The following DENND1B variants were observed in gnomAD, a reference collection of about 807,000 sequenced individuals.
The protein encoded by DENND1B is DENN domain containing 1B, also known as DENN domain-containing protein 1B.
In DENND1B, 59 loss-of-function variants were observed where a neutral mutation model predicts 90.1. That is an observed-to-expected ratio of 0.65 (90% CI 0.53 to 0.81). The LOEUF (loss-of-function observed/expected upper bound fraction) is 0.81, where lower values mean the gene tolerates loss of function less well. Ranked by LOEUF, DENND1B falls within the 40% of genes least tolerant of loss-of-function variation. The pLI, the probability that DENND1B is intolerant of heterozygous loss-of-function variation, is 0.00. For missense variants in DENND1B, 862 were observed against 912.6 expected (o/e 0.94, Z 0.71); for synonymous variants, 337 against 324.6 (o/e 1.04, Z -0.41).
chr1:197,702,407 T>G (rs1197182837), intron 3 of DENND1B, among the ~76,000 whole-genome samples: 1 of 152,168 alleles, frequency 6.6e-6, no homozygotes, highest in Non-Finnish European at 1.5e-5. Flanking sequence ...TATGACACGT[T>G]AAGGTTATAT....
At chr1:197,628,549 G>A (rs977929414) in intron 10 of DENND1B, among the ~76,000 whole-genome samples, 27 of 152,172 alleles carry the variant, frequency 1.8e-4, no homozygotes, top group Admixed American at 1.6e-3. Flanking sequence ...AGACTTAAAC[G>A]TTAGACCTAA....
chr1:197,680,677 T>C (rs1386064171), intron 3 of DENND1B, among the ~76,000 whole-genome samples: 1 of 152,168 alleles, frequency 6.6e-6, no homozygotes, highest in African/African-American at 2.4e-5. Context: ...TAAAATTATA[T>C]TCTTAGATTT....
At chr1:197,678,408 T>C (rs752193655) in intron 3 of DENND1B, among the ~76,000 whole-genome samples, 8 of 152,174 alleles carry the variant, frequency 5.3e-5, no homozygotes, top group South Asian at 2.1e-4. Context: ...ATGAGCTACT[T>C]GTCCATTTTA....
At chr1:197,547,785 G>C (rs559780671) in intron 16 of DENND1B, among the ~76,000 whole-genome samples, 4 of 151,312 alleles carry the variant, frequency 2.6e-5, no homozygotes, top group Non-Finnish European at 4.4e-5. Flanking sequence ...AACATTCCAA[G>C]TTATTCTACC....
chr1:197,746,023 C>T (rs949245360), intron 2 of DENND1B, among the ~76,000 whole-genome samples: 4 of 152,102 alleles, frequency 2.6e-5, no homozygotes, highest in Admixed American at 6.6e-5. Flanking sequence ...TTGGCATTTA[C>T]GACTAATCCA....
chr1:197,709,856 T>A (rs1203804708), intron 3 of DENND1B, among the ~76,000 whole-genome samples: 1 of 141,030 alleles, frequency 7.1e-6, no homozygotes, highest in African/African-American at 2.8e-5. Flanking sequence ...GAGACACACA[T>A]AGGCTCAAAA....
chr1:197,520,113 A>G (rs1270199678), intron 20 of DENND1B, among the ~76,000 whole-genome samples: 2 of 151,870 alleles, frequency 1.3e-5, no homozygotes, highest in African/African-American at 4.8e-5. Flanking sequence ...ATTTATTGAG[A>G]ACCTACTGAA....
intron 15 of DENND1B, among the ~76,000 whole-genome samples, chr1:197,561,834 T>G (rs1672192257): frequency 6.6e-6 from 1 of 151,856 alleles, no homozygotes; most frequent in African/African-American, 2.4e-5. Context: ...ATCAAATCCT[T>G]CAGAATATCT....
At chr1:197,582,595 T>A (rs2125772522) in intron 15 of DENND1B, among the ~76,000 whole-genome samples, 1 of 152,272 alleles carries the variant, frequency 6.6e-6, no homozygotes, top group Non-Finnish European at 1.5e-5. Flanking sequence ...CATCCAAAAT[T>A]TCTGAAATCT....
intron 2 of DENND1B, among the ~76,000 whole-genome samples, chr1:197,749,184 T>C (rs997155432): frequency 5.9e-5 from 9 of 151,576 alleles, no homozygotes; most frequent in East Asian, 3.9e-4. Context: ...ATGAACTGTG[T>C]CCCCAAGGGA....
At chr1:197,766,467 T>A (rs6661330) in intron 2 of DENND1B, among the ~76,000 whole-genome samples, 12,132 of 152,244 alleles carry the variant, frequency 0.08, 576 homozygotes, top group Non-Finnish European at 0.097. Flanking sequence ...TTTCCAAATG[T>A]TAGAGTTTTG....
intron 4 of DENND1B, 93 bp from the exon 5 acceptor site, chr1:197,672,249 G>T: frequency 7.2e-7 from 1 of 1,385,584 alleles, no homozygotes; most frequent in Non-Finnish European, 9.6e-7. Flanking sequence ...TGTGACATTG[G>T]TTTCATCTTT....
At chr1:197,694,976 A>G (rs1294798198) in intron 3 of DENND1B, among the ~76,000 whole-genome samples, 5 of 151,300 alleles carry the variant, frequency 3.3e-5, no homozygotes, top group Admixed American at 6.6e-5. Context: ...GAAATATTCC[A>G]GCAAATACTT....
intron 11 of DENND1B, among the ~76,000 whole-genome samples, chr1:197,612,667 C>G (rs1053387565): frequency 6.6e-6 from 1 of 150,538 alleles, no homozygotes; most frequent in South Asian, 2.1e-4. Flanking sequence ...TTTAAAAATA[C>G]TCAAGTGTGA....
intron 3 of DENND1B, among the ~76,000 whole-genome samples, chr1:197,703,937 T>A (rs1199607047): frequency 6.6e-6 from 1 of 152,150 alleles, no homozygotes; most frequent in Non-Finnish European, 1.5e-5. Flanking sequence ...GTTTTCTCCA[T>A]CTCTCTCCAG....
At chr1:197,524,049 CTCTT>C (rs1421002874) in intron 20 of DENND1B, among the ~76,000 whole-genome samples, 2 of 151,724 alleles carry the variant, frequency 1.3e-5, no homozygotes, top group Admixed American at 6.6e-5. Flanking sequence ...AGATTCTGTG[CTCTT>C]TAAGACAGGT....
intron 15 of DENND1B, among the ~76,000 whole-genome samples, chr1:197,580,074 C>G (rs947680754): frequency 1.6e-5 from 2 of 127,110 alleles, no homozygotes; most frequent in Non-Finnish European, 3.4e-5. Context: ...ATTTTTCTTT[C>G]TTTTCTTTCT....
At chr1:197,780,513 G>T (rs1041453647), upstream of DENND1B, among the ~76,000 whole-genome samples, 1 of 151,556 alleles carries the variant, frequency 6.6e-6, no homozygotes, top group African/African-American at 2.4e-5. Flanking sequence ...TTTAGTAGAG[G>T]CAGGGTTTCA....
At chr1:197,618,176 A>T (rs1677830086) in intron 10 of DENND1B, among the ~76,000 whole-genome samples, 1 of 151,288 alleles carries the variant, frequency 6.6e-6, no homozygotes, top group Admixed American at 6.6e-5. Flanking sequence ...CTCCTGAGGG[A>T]TATCATTAGG....
Sources: allele counts gnomAD v4.1 joint callset (sites outside exome capture counted in the v4.1 genomes callset), GRCh38; gene constraint gnomAD v4.1.1; transcripts MANE v1.5; gene names NCBI Gene and HGNC (gene_info 2026-07-23, HGNC 2026-07-21).